The following ERBB4 variants were observed in gnomAD, a reference collection of about 807,000 sequenced individuals.
The protein encoded by ERBB4 is receptor tyrosine-protein kinase erbB-4.
Under a neutral mutation model 158.0 loss-of-function variants are expected in ERBB4, and 42 were observed. The ratio of observed to expected loss-of-function variants is 0.27; its 90% confidence interval spans 0.21 to 0.34. ERBB4 has a LOEUF of 0.34. Ranked by LOEUF, ERBB4 falls within the 10% of genes least tolerant of loss-of-function variation. The probability of loss-of-function intolerance (pLI) is 1.00; values close to 1 mark genes in which losing one functional copy is unlikely to be tolerated. For synonymous variants in ERBB4, 583 were observed against 558.7 expected (o/e 1.04, Z -0.61); for missense variants, 1,333 against 1,624.1 (o/e 0.82, Z 3.08).
rs536081865 is a variant in ERBB4, at chr2:212,185,573, A to G, written c.83-60670T>C. Among the ~76,000 whole-genome samples, 3 of 152,174 alleles carry G rather than the reference A, an allele frequency of 2.0e-5. No individual in the cohort carries two copies. The East Asian group carries it at 5.8e-4, about 29-fold the overall frequency. Reference sequence around the variant, plus strand: ...AAGCTCAGAATAACTTGTAGTGGTCATGGTCACTGCGGTGGGATGCTTAGG... The same window carrying G: ...AAGCTCAGAATAACTTGTAGTGGTCGTGGTCACTGCGGTGGGATGCTTAGG... On this transcript the variant is annotated intron_variant, in intron 1 of 27. Transcript: ENST00000342788.
At chr2:211,739,496 G>C (rs376184960) in intron 5 of ERBB4, among the ~76,000 whole-genome samples, 16 of 151,942 alleles carry the variant, frequency 1.1e-4, no homozygotes, top group Non-Finnish European at 2.2e-4. Flanking sequence ...ACAGAGTCTC[G>C]CTCTGTCACC....
chr2:211,396,706 T>G (rs888481983), intron 25 of ERBB4, among the ~76,000 whole-genome samples: 1 of 152,198 alleles, frequency 6.6e-6, no homozygotes, highest in East Asian at 1.9e-4. Flanking sequence ...TGATAGGTGT[T>G]GGCAACAAGC....
At position 211,961,888 on chromosome 2, in the gene ERBB4, A is replaced by T. The variant is rs2081188505; in HGVS notation, c.235-14272T>A. 2.0e-5 allele frequency among the ~76,000 whole-genome samples: 3 copies of T among 152,172 alleles called. 1 individual carries two copies. Among genetic ancestry groups the T allele is most frequent in the Non-Finnish European group, 4.4e-5 (3 of 68,016 alleles). ...ATGTCTTAAAGGAAATTTGGAAAAA[A>T]TACTTTAAAAGCAAGTTATAGTGTC... On this transcript the variant is annotated intron_variant, in intron 2 of 27. Coordinates refer to ENST00000342788, the MANE Select transcript of ERBB4 (RefSeq NM_005235.3).
intron 20 of ERBB4, among the ~76,000 whole-genome samples, chr2:211,508,885 G>A (rs1574635176): frequency 1.3e-5 from 2 of 151,928 alleles, no homozygotes; most frequent in South Asian, 2.1e-4. Context: ...AGCTGAGATC[G>A]TGCCACTGCA....
intron 2 of ERBB4, among the ~76,000 whole-genome samples, chr2:211,953,873 T>A (rs1157450956): frequency 6.6e-6 from 1 of 151,714 alleles, no homozygotes; most frequent in Non-Finnish European, 1.5e-5. Context: ...CATGATTTTT[T>A]AAAAATGACA....
chr2:211,843,418 C>CAT (rs1050977245), intron 3 of ERBB4, among the ~76,000 whole-genome samples: 38 of 149,662 alleles, frequency 2.5e-4, no homozygotes, highest in Middle Eastern at 3.5e-3. Context: ...TGCGTGTGCA[C>CAT]ACACACACAC....
intron 1 of ERBB4, among the ~76,000 whole-genome samples, chr2:212,430,712 G>A (rs1250026480): frequency 6.6e-6 from 1 of 152,142 alleles, no homozygotes; most frequent in East Asian, 1.9e-4. Flanking sequence ...TATACATATT[G>A]AGATCCCATT....
chr2:212,135,994 T>G (rs1398998394), intron 1 of ERBB4, among the ~76,000 whole-genome samples: 1 of 152,174 alleles, frequency 6.6e-6, no homozygotes, highest in Non-Finnish European at 1.5e-5. Flanking sequence ...GCTAAGTATG[T>G]AAACATTAGC....
intron 20 of ERBB4, 37 bp downstream of exon 20, chr2:211,561,866 A>G: frequency 6.4e-7 from 1 of 1,571,018 alleles, no homozygotes; most frequent in Non-Finnish European, 8.8e-7. Flanking sequence ...ATATTAACCT[A>G]AAAATGTAAT....
intron 1 of ERBB4, among the ~76,000 whole-genome samples, chr2:212,311,901 C>T (rs2087060051): frequency 6.6e-6 from 1 of 150,912 alleles, no homozygotes; most frequent in South Asian, 2.1e-4. Context: ...CATAAAGACA[C>T]ATAAACTCAA....
chr2:211,612,600 A>T (rs1315038949), intron 19 of ERBB4, among the ~76,000 whole-genome samples: 2 of 151,964 alleles, frequency 1.3e-5, no homozygotes, highest in African/African-American at 2.4e-5. Flanking sequence ...TTATAAGGGG[A>T]GTGGAAAGAA....
intron 3 of ERBB4, among the ~76,000 whole-genome samples, chr2:211,912,720 T>A (rs1373785405): frequency 1.3e-5 from 2 of 152,174 alleles, no homozygotes; most frequent in Non-Finnish European, 2.9e-5. Context: ...TGCAAAGCCA[T>A]CTTTTGTAGA....
At chr2:211,438,962 TCA>T (rs1016072954) in intron 20 of ERBB4, among the ~76,000 whole-genome samples, 5 of 151,024 alleles carry the variant, frequency 3.3e-5, no homozygotes, top group Non-Finnish European at 5.9e-5. Context: ...AATTTATTTT[TCA>T]CAGATAGTCC....
intron 19 of ERBB4, among the ~76,000 whole-genome samples, chr2:211,583,005 A>G (rs1466881876): frequency 6.6e-6 from 1 of 152,102 alleles, no homozygotes; most frequent in Non-Finnish European, 1.5e-5. Flanking sequence ...GCATTTTTGC[A>G]TGTTTAATAT....
chr2:211,719,321 T>C (rs1284364946), intron 7 of ERBB4, among the ~76,000 whole-genome samples: 5 of 152,170 alleles, frequency 3.3e-5, no homozygotes, highest in African/African-American at 9.7e-5. Flanking sequence ...TTTCTTCCAG[T>C]TTACTGATGG....
chr2:211,820,095 A>G (rs1214733133), intron 3 of ERBB4, among the ~76,000 whole-genome samples: 3 of 151,908 alleles, frequency 2.0e-5, no homozygotes, highest in Non-Finnish European at 4.4e-5. Context: ...TGGTTAATTG[A>G]GTAAGGTACA....
chr2:211,714,499 C>A (rs2073830171), intron 7 of ERBB4, among the ~76,000 whole-genome samples: 1 of 152,164 alleles, frequency 6.6e-6, no homozygotes, highest in East Asian at 1.9e-4. Context: ...AATATTGCTA[C>A]TTGGGCCATA....
rs75262161 is a variant in ERBB4, at chr2:211,732,148, T to C, written c.623-6954A>G. 5.2e-3 allele frequency among the ~76,000 whole-genome samples: 785 copies of C among 152,224 alleles called. 5 individuals carry two copies. Among genetic ancestry groups the C allele is most frequent in the African/African-American group, 0.018 (762 of 41,526 alleles). ...ATGGAAAGGCAGAGTCAGAGCTGGG[T>C]TGGTCTTAAACTAGAACGCTCTTTC... On this transcript the variant is annotated intron_variant, in intron 5 of 27. Transcript: ENST00000342788.
intron 1 of ERBB4, among the ~76,000 whole-genome samples, chr2:212,363,319 T>C (rs567343949): frequency 2.6e-5 from 4 of 151,494 alleles, no homozygotes; most frequent in South Asian, 2.1e-4. Flanking sequence ...AACTAAAAGA[T>C]AGAACATGAA....
Sources: gnomAD v4.1 joint callset for allele counts (sites outside exome capture counted in the v4.1 genomes callset) on GRCh38, gnomAD v4.1.1 for gene constraint, MANE v1.5 for transcripts, NCBI Gene and HGNC (gene_info 2026-07-23, HGNC 2026-07-21) for gene names.